WWC1: variants seen among roughly 807,000 people sequenced by gnomAD.
WWC1 encodes WW and C2 domain containing 1.
In WWC1, 55 loss-of-function variants were observed where a neutral mutation model predicts 138.4. That is an observed-to-expected ratio of 0.40 (90% CI 0.32 to 0.50). The LOEUF is 0.50. WWC1 is among the 20% of genes least tolerant of loss of function. The pLI is 0.72. For synonymous variants in WWC1, 524 were observed against 564.9 expected (o/e 0.93, Z 1.03); for missense variants, 1,226 against 1,420.4 (o/e 0.86, Z 2.20).
Position 168,354,175 on chromosome 5 carries a change from C to T in WWC1, c.120-17249C>T, listed in dbSNP as rs139388427. Among the ~76,000 whole-genome samples, 208 of 152,032 alleles carry T rather than the reference C, an allele frequency of 1.4e-3. 1 individual carries two copies. The highest frequency in any genetic ancestry group is 4.8e-3 in the African/African-American group (200 of 41,464). ...AAGCGATTCTCCTGCCTCAGCTACC[C>T]GAGTACTTGGGATTATAGGTGCCTG... On this transcript the variant is annotated intron_variant, in intron 1 of 22. Transcript: ENST00000265293.
At chr5:168,381,242 G>T (rs761373655) in intron 2 of WWC1, among the ~76,000 whole-genome samples, 32 of 152,264 alleles carry the variant, frequency 2.1e-4, no homozygotes, top group Non-Finnish European at 2.5e-4. Flanking sequence ...TCAGGTAAGG[G>T]TCTCATATAC....
At chr5:168,304,304 G>A (rs922554949) in intron 1 of WWC1, among the ~76,000 whole-genome samples, 2 of 152,206 alleles carry the variant, frequency 1.3e-5, no homozygotes, top group African/African-American at 4.8e-5. Flanking sequence ...TCATGCCTAA[G>A]AAGATAGACT....
At chr5:168,352,078 G>A (rs576260793) in intron 1 of WWC1, among the ~76,000 whole-genome samples, 6 of 152,304 alleles carry the variant, frequency 3.9e-5, no homozygotes, top group African/African-American at 7.2e-5. Context: ...CTCAAAGGGC[G>A]GTCAGGAGCA....
chr5:168,399,599 G>A, intron 5 of WWC1, 32 bp downstream of exon 5: 4 of 1,607,688 alleles, frequency 2.5e-6, no homozygotes, highest in Non-Finnish European at 2.6e-6. Flanking sequence ...GAGCATGGGG[G>A]CTGCTCCCCA....
chr5:168,407,040 C>T (rs752240861), intron 6 of WWC1, among the ~76,000 whole-genome samples: 4 of 152,256 alleles, frequency 2.6e-5, no homozygotes, highest in African/African-American at 9.6e-5. Flanking sequence ...GATTCTCCCA[C>T]CTTAGCCTCC....
intron 9 of WWC1, among the ~76,000 whole-genome samples, chr5:168,417,048 G>A (rs1728233370): frequency 6.6e-6 from 1 of 152,032 alleles, no homozygotes; most frequent in Non-Finnish European, 1.5e-5. Context: ...TTGTATTTTA[G>A]TAGAGGTGGG....
intron 19 of WWC1, among the ~76,000 whole-genome samples, chr5:168,458,522 C>G (rs1388732875): frequency 6.6e-6 from 1 of 152,148 alleles, no homozygotes. Flanking sequence ...CCACTGAACT[C>G]GAAGTCCATG....
At chr5:168,467,651 C>G (rs1322485244) in intron 21 of WWC1, 189 bp from the exon 22 acceptor site, 6 of 848,124 alleles carry the variant, frequency 7.1e-6, no homozygotes, top group Non-Finnish European at 1.0e-5. Context: ...TTCCTGGCCC[C>G]AAAAATCTAG....
intron 1 of WWC1, among the ~76,000 whole-genome samples, chr5:168,311,521 C>T (rs1254817949): frequency 2.0e-5 from 3 of 152,158 alleles, no homozygotes; most frequent in African/African-American, 7.2e-5. Context: ...GTGTGACCCT[C>T]GGCAAGCTGC....
At chr5:168,376,784 A>G (rs1777209327) in intron 2 of WWC1, among the ~76,000 whole-genome samples, 1 of 152,236 alleles carries the variant, frequency 6.6e-6, no homozygotes. Context: ...ATCACAGGTG[A>G]CACAAACAAA....
intron 2 of WWC1, among the ~76,000 whole-genome samples, chr5:168,378,928 A>G (rs1777423683): frequency 6.6e-6 from 1 of 152,126 alleles, no homozygotes; most frequent in Non-Finnish European, 1.5e-5. Context: ...GTGTGTATGC[A>G]GTGTGGAGAA....
intron 1 of WWC1, among the ~76,000 whole-genome samples, chr5:168,347,664 A>T (rs1774587726): frequency 1.3e-5 from 2 of 152,156 alleles, no homozygotes; most frequent in Non-Finnish European, 2.9e-5. Context: ...GGCCCTGAAG[A>T]AGGTGAAGAG....
rs183714556 is a variant in WWC1 at position 168,434,237 on chromosome 5, C to G, written c.2280+2793C>G. Reference sequence around the variant, plus strand: ...GGTTGCCATGGCAGCAGCCAAAGCGCTCATCTCACTGTGGCTTGTCTCTGC... The same window carrying G: ...GGTTGCCATGGCAGCAGCCAAAGCGGTCATCTCACTGTGGCTTGTCTCTGC... On this transcript the variant is annotated intron_variant, in intron 15 of 22. Coordinates refer to ENST00000265293, the MANE Select transcript of WWC1 (RefSeq NM_015238.3). Among the ~76,000 whole-genome samples, 22 of 152,348 alleles carry G rather than the reference C, an allele frequency of 1.4e-4. No individual in the cohort carries two copies. In the East Asian group the frequency reaches 3.9e-3, roughly 27 times the overall value.
intron 11 of WWC1, among the ~76,000 whole-genome samples, chr5:168,425,088 GT>G (rs1328702209): frequency 6.6e-6 from 1 of 152,164 alleles, no homozygotes; most frequent in African/African-American, 2.4e-5. Flanking sequence ...CATTTCACTG[GT>G]GAGGAATTGG....
intron 4 of WWC1, 142 bp downstream of exon 4, chr5:168,397,942 GA>G: frequency 1.2e-6 from 1 of 807,116 alleles, no homozygotes. Flanking sequence ...AATAACAGTA[GA>G]AGCGGTAGTC....
chr5:168,408,167 T>C (rs550165830), intron 6 of WWC1, among the ~76,000 whole-genome samples: 77 of 151,922 alleles, frequency 5.1e-4, no homozygotes, highest in Non-Finnish European at 9.6e-4. Context: ...CAGCTGATTA[T>C]TCCCATTTTA....
intron 1 of WWC1, among the ~76,000 whole-genome samples, chr5:168,335,630 T>C (rs906064099): frequency 6.6e-6 from 1 of 152,192 alleles, no homozygotes; most frequent in African/African-American, 2.4e-5. Context: ...GTCACACAGC[T>C]AGAGGTGGAA....
chr5:168,440,880 T>C (rs11134514), intron 15 of WWC1, among the ~76,000 whole-genome samples: 30,401 of 152,082 alleles, frequency 0.2, 3,242 homozygotes, highest in South Asian at 0.36. Flanking sequence ...CTCACAATAG[T>C]GAAGAGGTAG....
rs530214173 is a variant in WWC1, at chr5:168,409,925, G to A, written c.871G>A (p.Gly291Ser). The change falls in exon 8 of 23, where the codon GGC becomes AGC. Residue 291 changes from glycine (G) to serine (S), a missense_variant. Gly to Ser is a moderately conservative substitution (Grantham distance 56, BLOSUM62 0). Transcript: ENST00000265293. ...SSQTDISGSF[G>S]INSNNQLAEK... is the part of the protein sequence containing the mutation. Reference sequence around the variant, plus strand: ...TGACTTTGTTCTTCTCCTCCAGTTCGGCATCAACAGCAACAATCAGTTGGC... The same window carrying A: ...TGACTTTGTTCTTCTCCTCCAGTTCAGCATCAACAGCAACAATCAGTTGGC... The A allele has an allele frequency of 2.5e-5, 40 of 1,613,876 alleles. No individual in the cohort carries two copies. Among genetic ancestry groups the A allele is most frequent in the Admixed American group, 5.0e-5 (3 of 60,006 alleles).
Sources: allele counts gnomAD v4.1 joint callset (sites outside exome capture counted in the v4.1 genomes callset), GRCh38; gene constraint gnomAD v4.1.1; transcripts MANE v1.5; gene names NCBI Gene and HGNC (gene_info 2026-07-23, HGNC 2026-07-21).